The following DDX1 variants were observed in gnomAD, a reference collection of about 807,000 sequenced individuals.
DDX1 encodes ATP-dependent RNA helicase DDX1.
Under a neutral mutation model 108.7 loss-of-function variants are expected in DDX1, and 28 were observed. The observed-to-expected ratio is 0.26, with a 90% confidence interval of 0.19 to 0.35. The LOEUF is 0.35. Among genes scored for constraint, DDX1 ranks in the 10% least tolerant of loss-of-function variants. DDX1 has a pLI of 1.00. For missense variants in DDX1, 710 were observed against 884.5 expected (o/e 0.80, Z 2.50); for synonymous variants, 295 against 288.9 (o/e 1.02, Z -0.21).
chr2:15,614,598 G>A (rs1438396625), intron 14 of DDX1, among the ~76,000 whole-genome samples: 1 of 152,196 alleles, frequency 6.6e-6, no homozygotes, highest in African/African-American at 2.4e-5. Flanking sequence ...TGCTGTAGGA[G>A]CGGGTTAGTT....
At chr2:15,607,842 A>G (rs975450373) in intron 13 of DDX1, among the ~76,000 whole-genome samples, 5 of 152,226 alleles carry the variant, frequency 3.3e-5, no homozygotes, top group African/African-American at 9.6e-5. Flanking sequence ...GGCATGAGCC[A>G]CTGTGCCTGG....
chr2:15,606,911 T>C lies in DDX1; in HGVS notation c.818-264T>C, dbSNP rs141092977. On this transcript the variant is annotated intron_variant, in intron 12 of 25. Transcript: ENST00000233084. ...CATCATAGCTCACTGCAGCCTTGAA[T>C]ACCTGGACTCAAGTGATCGTCCCAC... 3.7e-3 allele frequency among the ~76,000 whole-genome samples: 566 copies of C among 152,266 alleles called. 7 individuals are homozygous for C. The highest frequency in any genetic ancestry group is 0.03 in the Admixed American group (460 of 15,302).
chr2:15,603,902 T>C lies in DDX1; in HGVS notation c.552+12T>C. The C allele has an allele frequency of 3.2e-6, 5 of 1,569,260 alleles. No individual in the cohort carries two copies. The East Asian group carries it at 6.7e-5, about 21-fold the overall frequency. ...ATAATTATGGAGAGGTAAGCGATTA[T>C]GTTATGACTTCAACATAGCATAAGT... is the stretch of plus-strand genomic sequence containing the variant. On this transcript the variant is annotated intron_variant, in intron 9 of 25. Coordinates refer to ENST00000233084, the MANE Select transcript of DDX1 (RefSeq NM_004939.3).
chr2:15,617,792 T>C (rs927478697), intron 15 of DDX1, among the ~76,000 whole-genome samples: 1 of 152,220 alleles, frequency 6.6e-6, no homozygotes, highest in African/African-American at 2.4e-5. Flanking sequence ...ATAAATGTGT[T>C]TGAGTCTCTT....
intron 13 of DDX1, 113 bp downstream of exon 13, chr2:15,607,426 CGTGT>C (rs1665681906): frequency 2.5e-6 from 2 of 809,654 alleles, no homozygotes; most frequent in Non-Finnish European, 3.9e-6. Flanking sequence ...ACATAATACA[CGTGT>C]GTGAGTATGT....
intron 6 of DDX1, among the ~76,000 whole-genome samples, chr2:15,602,086 T>C (rs1236601857): frequency 6.6e-6 from 1 of 152,236 alleles, no homozygotes; most frequent in Non-Finnish European, 1.5e-5. Flanking sequence ...TTTAGTTATA[T>C]AGTCACTCAA....
chr2:15,597,342 T>C, intron 4 of DDX1, 33 bp from the exon 5 acceptor site: 1 of 1,338,006 alleles, frequency 7.5e-7, no homozygotes, highest in Non-Finnish European at 1.1e-6. Context: ...AATATGTGAA[T>C]ACTAATATAG....
intron 10 of DDX1, among the ~76,000 whole-genome samples, chr2:15,605,451 A>T (rs1387666242): frequency 6.6e-6 from 1 of 152,158 alleles, no homozygotes; most frequent in Admixed American, 6.5e-5. Context: ...TAGCAAGATG[A>T]AGAATGTGCA....
Position 15,605,961 on chromosome 2 carries a change from G to C in DDX1, c.637G>C (p.Gly213Arg), listed in dbSNP as rs1174850621. 1 of 1,571,380 alleles carries C rather than the reference G, an allele frequency of 6.4e-7. No homozygotes were observed. The highest frequency in any genetic ancestry group is 1.2e-5 in the South Asian group (1 of 82,848). ...VKFSKNGKDL[G>R]LAFEIPPHMK... ...TCTTGTTTTTTAAGGAAAAGATCTT[G>C]GTCTGGCATTTGAAATACCACCACA... Residue 213 changes from glycine (G) to arginine (R), a missense_variant, in exon 11 of 26, where the codon GGT (glycine) becomes CGT (arginine). Around this residue, in one of 3 missense-constraint regions of DDX1, gnomAD observed 661 missense variants for 810.2 expected, o/e 0.82. Coordinates refer to ENST00000233084, the MANE Select transcript of DDX1 (RefSeq NM_004939.3).
chr2:15,605,937 C>T lies in DDX1; in HGVS notation c.626-13C>T. On this transcript the variant is annotated splice_polypyrimidine_tract_variant and intron_variant, in intron 10 of 25. Transcript: ENST00000233084. ...TGATTGTTTTAATCTCTCTCTCTCTCTTGTTTTTTAAGGAAAAGATCTTGG... is the reference window on the plus strand; with the variant it reads ...TGATTGTTTTAATCTCTCTCTCTCTTTTGTTTTTTAAGGAAAAGATCTTGG... The T allele has an allele frequency of 7.2e-6, 11 of 1,530,622 alleles. No homozygotes were observed. The highest frequency in any genetic ancestry group is 9.7e-6 in the Non-Finnish European group (11 of 1,138,834). The allele number at this position is 1,530,622 out of a possible 1,614,324, so 94.8% of individuals were successfully genotyped here.
Position 15,596,583 on chromosome 2 carries a change from G to A in DDX1, c.133-151G>A, listed in dbSNP as rs1164615166. ...AAAGGTAACAAGATGGGCTGTAGTT[G>A]GAGTTGACAGAGGAACCCTGGATAT... On this transcript the variant is annotated intron_variant, in intron 3 of 25. Transcript: ENST00000233084. 7 of 624,124 alleles carry A rather than the reference G, an allele frequency of 1.1e-5. No individual in the cohort carries two copies. In the East Asian group the frequency reaches 1.6e-4, roughly 14 times the overall value. 38.7% of individuals were successfully genotyped at this position (624,124 alleles called of 1,614,324 possible).
Position 15,601,362 on chromosome 2 carries a change from A to G in DDX1, c.308-1186A>G, listed in dbSNP as rs374101603. On this transcript the variant is annotated intron_variant, in intron 6 of 25. Transcript: ENST00000233084. ...CTTCATGAAGATAGCATCATATCCCACAGGTTGAGGGTTCAATCACACAAG... is the reference window on the plus strand; with the variant it reads ...CTTCATGAAGATAGCATCATATCCCGCAGGTTGAGGGTTCAATCACACAAG... 1.9e-4 allele frequency among the ~76,000 whole-genome samples: 29 copies of G among 152,260 alleles called. No individual in the cohort carries two copies. In the East Asian group the frequency reaches 3.9e-3, roughly 20 times the overall value.
At chr2:15,597,508 T>G in intron 5 of DDX1, 37 bp downstream of exon 5, 2 of 1,302,178 alleles carry the variant, frequency 1.5e-6, no homozygotes, top group Non-Finnish European at 2.2e-6. Flanking sequence ...TTTATATAAA[T>G]CATTGGTTCT....
chr2:15,596,831 T>G lies in DDX1; in HGVS notation c.162+68T>G, dbSNP rs1226474545. 2.4e-6 allele frequency: 3 copies of G among 1,228,358 alleles called. No homozygotes were observed. The Admixed American group carries it at 5.7e-5, about 23-fold the overall frequency. 76.1% of individuals were successfully genotyped at this position (1,228,358 alleles called of 1,614,324 possible). On this transcript the variant is annotated intron_variant, in intron 4 of 25. Transcript: ENST00000233084. The stretch of plus-strand genomic sequence containing the variant: ...TTTAAAATAACTTTGAACAGTAGTT[T>G]TTACTTTGAAATATTTAATAAAATA...
chr2:15,630,698 A>G lies in DDX1; in HGVS notation c.2093-78A>G, dbSNP rs1162433906. 3 of 1,490,440 alleles carry G rather than the reference A, an allele frequency of 2.0e-6. No homozygotes were observed. The African/African-American group carries it at 4.2e-5, about 21-fold the overall frequency. 92.3% of individuals were successfully genotyped at this position (1,490,440 alleles called of 1,614,324 possible). A position where few individuals can be genotyped will look rare whatever the true frequency, so the allele number is the denominator to read the frequency against. On this transcript the variant is annotated intron_variant, in intron 25 of 25. Transcript: ENST00000233084. Reference sequence around the variant, plus strand: ...TGCTGCAAGCAAAGTTTAAAGTGATATAATTGAGCCAAAGTATTGCTGACA... The same window carrying G: ...TGCTGCAAGCAAAGTTTAAAGTGATGTAATTGAGCCAAAGTATTGCTGACA...
intron 19 of DDX1, among the ~76,000 whole-genome samples, chr2:15,626,771 T>C (rs1300454678): frequency 6.6e-6 from 1 of 152,146 alleles, no homozygotes; most frequent in Non-Finnish European, 1.5e-5. Flanking sequence ...GGTGTACACA[T>C]AGGCATTTTA....
At chr2:15,629,792 G>T in intron 24 of DDX1, 95 bp downstream of exon 24, 5 of 1,116,666 alleles carry the variant, frequency 4.5e-6, no homozygotes, top group Non-Finnish European at 6.3e-6. Flanking sequence ...TTATCTGTTT[G>T]TCACTTATAA....
chr2:15,609,477 T>C (rs902004825), intron 13 of DDX1, among the ~76,000 whole-genome samples: 1 of 152,256 alleles, frequency 6.6e-6, no homozygotes, highest in Non-Finnish European at 1.5e-5. Flanking sequence ...CATACTGTCA[T>C]GTGTTACTTT....
chr2:15,620,091 T>C, intron 16 of DDX1, 117 bp from the exon 17 acceptor site: 1 of 891,182 alleles, frequency 1.1e-6, no homozygotes, highest in South Asian at 1.6e-5. Flanking sequence ...TAGAGTAAGG[T>C]GTTGAACTTA....
Sources: gnomAD v4.1 joint callset for allele counts (sites outside exome capture counted in the v4.1 genomes callset) on GRCh38, gnomAD v4.1.1 for gene constraint, gnomAD v4.1.1 regional missense constraint, MANE v1.5 for transcripts, NCBI Gene and HGNC (gene_info 2026-07-23, HGNC 2026-07-21) for gene names.